Variants in FRMD6 observed in about 807,000 individuals in gnomAD.
FRMD6 encodes the protein FERM domain containing 6.
A neutral mutation model predicts 73.2 loss-of-function variants in FRMD6; 37 were observed. That is an observed-to-expected ratio of 0.51 (90% CI 0.39 to 0.66). FRMD6 has a LOEUF of 0.66. FRMD6 is among the 30% of genes least tolerant of loss of function. The probability of loss-of-function intolerance (pLI) is 0.00; values close to 1 mark genes in which losing one functional copy is unlikely to be tolerated. For missense variants in FRMD6, 714 were observed against 780.5 expected (o/e 0.91, Z 1.02); for synonymous variants, 273 against 282.2 (o/e 0.97, Z 0.33).
the FRMD6 span, among the ~76,000 whole-genome samples, chr14:51,482,772 C>T: frequency 6.6e-6 from 1 of 152,004 alleles, no homozygotes; most frequent in African/African-American, 2.4e-5. Context: ...ACGATCTCAG[C>T]TCATTGCAAC....
the FRMD6 span, among the ~76,000 whole-genome samples, chr14:51,451,128 A>G: frequency 6.6e-6 from 1 of 152,262 alleles, no homozygotes; most frequent in Non-Finnish European, 1.5e-5. Context: ...AGGTCACAGC[A>G]AGAGCTGAGG....
intron 2 of FRMD6, among the ~76,000 whole-genome samples, chr14:51,580,492 C>T (rs1260820584): frequency 6.6e-6 from 1 of 152,110 alleles, no homozygotes. Flanking sequence ...GAAAATGAGG[C>T]ACAGAGAAGT....
At chr14:51,611,595 A>T (rs1319403443) in intron 2 of FRMD6, among the ~76,000 whole-genome samples, 1 of 152,216 alleles carries the variant, frequency 6.6e-6, no homozygotes, top group African/African-American at 2.4e-5. Flanking sequence ...TCACCCAAGG[A>T]TCCTACTAAG....
At chr14:51,523,423 A>C (rs11157828) in intron 1 of FRMD6, among the ~76,000 whole-genome samples, 1 of 151,718 alleles carries the variant, frequency 6.6e-6, no homozygotes, top group South Asian at 2.1e-4. Flanking sequence ...TGGAAGGCAC[A>C]TATGCAGAAC....
At chr14:51,446,517 T>C in the FRMD6 span, among the ~76,000 whole-genome samples, 2 of 150,446 alleles carry the variant, frequency 1.3e-5, no homozygotes, top group African/African-American at 4.9e-5. Context: ...CATAGTTTTC[T>C]AAGTCAGTCA....
Position 51,725,793 on chromosome 14 carries a change from GA to G in FRMD6, c.1510del (p.Ile504LeufsTer40). The G allele has an allele frequency of 6.2e-7, 1 of 1,613,266 alleles. No individual in the cohort carries two copies. Among genetic ancestry groups the G allele is most frequent in the Non-Finnish European group, 8.5e-7 (1 of 1,179,298 alleles). ...LNGHSGLIVKEIGSSTSSSSE... is the reference protein window; with the variant it reads ...LNGHSGLIVKXIGSSTSSSSE... The stretch of plus-strand genomic sequence containing the variant: ...TTTTATTTCAGGGTTGATTGTGAAA[GA>G]AATTGGGTCTTCCACCTCGAGCTCT... On this transcript the variant is annotated frameshift_variant, in exon 13 of 14. Transcript: ENST00000344768. LOFTEE classifies it high-confidence loss of function.
chr14:51,456,023 A>G, the FRMD6 span, among the ~76,000 whole-genome samples: 1 of 152,110 alleles, frequency 6.6e-6, no homozygotes, highest in African/African-American at 2.4e-5. Flanking sequence ...AAAGGAGAGG[A>G]GCAGTTCCTT....
intron 2 of FRMD6, among the ~76,000 whole-genome samples, chr14:51,639,663 T>C (rs1166358875): frequency 6.6e-6 from 1 of 152,212 alleles, no homozygotes; most frequent in Non-Finnish European, 1.5e-5. Context: ...AATGATTATT[T>C]CAAATGCGTT....
At chr14:51,537,642 C>G (rs1885971916) in intron 1 of FRMD6, among the ~76,000 whole-genome samples, 1 of 152,194 alleles carries the variant, frequency 6.6e-6, no homozygotes, top group Admixed American at 6.5e-5. Flanking sequence ...AATGAGAGTT[C>G]CTGTTGCTCC....
chr14:51,544,327 T>C (rs1306122381), intron 1 of FRMD6, among the ~76,000 whole-genome samples: 3 of 152,112 alleles, frequency 2.0e-5, no homozygotes, highest in African/African-American at 7.2e-5. Context: ...AGAATTTTTT[T>C]CCTTAATACC....
At chr14:51,432,402 T>G in the FRMD6 span, among the ~76,000 whole-genome samples, 4 of 152,206 alleles carry the variant, frequency 2.6e-5, no homozygotes, top group Admixed American at 1.3e-4. Context: ...ATTCCCTTTT[T>G]CTTTTGCAAA....
intron 1 of FRMD6, among the ~76,000 whole-genome samples, chr14:51,652,878 G>A (rs1761089874): frequency 6.6e-6 from 1 of 152,210 alleles, no homozygotes; most frequent in Non-Finnish European, 1.5e-5. Flanking sequence ...ATAACCTAAT[G>A]GTGCGGGCGT....
intron 2 of FRMD6, among the ~76,000 whole-genome samples, chr14:51,592,418 T>C (rs1256188869): frequency 6.6e-6 from 1 of 152,212 alleles, no homozygotes; most frequent in Non-Finnish European, 1.5e-5. Flanking sequence ...TATGTTATCC[T>C]TCCCATCCCT....
chr14:51,651,824 CG>C (rs1309253263), upstream of FRMD6: 20 of 31,378 alleles, frequency 6.4e-4, no homozygotes, highest in East Asian at 0.026. Flanking sequence ...GGCGGGGATT[CG>C]GGGGGGCGGG....
intron 2 of FRMD6, among the ~76,000 whole-genome samples, chr14:51,641,170 G>C (rs1891793051): frequency 6.6e-6 from 1 of 151,840 alleles, no homozygotes; most frequent in Non-Finnish European, 1.5e-5. Flanking sequence ...TAGTAGAGAG[G>C]GGGTTTCCCT....
At chr14:51,411,404 G>T in the FRMD6 span, among the ~76,000 whole-genome samples, 1 of 152,180 alleles carries the variant, frequency 6.6e-6, no homozygotes, top group Non-Finnish European at 1.5e-5. Flanking sequence ...GATAACTGGT[G>T]GGGTGCAGAA....
At chr14:51,508,810 T>G (rs1884125663) in intron 1 of FRMD6, among the ~76,000 whole-genome samples, 1 of 152,214 alleles carries the variant, frequency 6.6e-6, no homozygotes, top group Non-Finnish European at 1.5e-5. Context: ...TAAGCTAATT[T>G]GATGTTCTCT....
At chr14:51,586,916 T>TA (rs1026931322) in intron 2 of FRMD6, among the ~76,000 whole-genome samples, 9 of 152,138 alleles carry the variant, frequency 5.9e-5, no homozygotes, top group Non-Finnish European at 8.8e-5. Flanking sequence ...GCTAATTTTT[T>TA]AAAAAAAGTT....
In FRMD6 at chr14:51,613,561, A is replaced by T. The variant is rs150655151; in HGVS notation, c.-147+43151A>T. Among the ~76,000 whole-genome samples the T allele has an allele frequency of 3.3e-5, 5 of 152,238 alleles. No homozygotes were observed. The East Asian group carries it at 9.6e-4, about 29-fold the overall frequency. On this transcript the variant is annotated intron_variant, in intron 2 of 14. Coordinates refer to the FRMD6 transcript ENST00000356218. ...TGAATGGATCAATGTGTATCTGAAA[A>T]CACCAGCAATGTTAGAGGTTTCCAA... is the stretch of plus-strand genomic sequence containing the variant.
Sources: gnomAD v4.1 joint callset for allele counts (sites outside exome capture counted in the v4.1 genomes callset) on GRCh38, gnomAD v4.1.1 for gene constraint, MANE v1.5 for transcripts, NCBI Gene and HGNC (gene_info 2026-07-23, HGNC 2026-07-21) for gene names.